The following OXCT1 variants were observed in gnomAD, a reference collection of about 807,000 sequenced individuals.
OXCT1 encodes succinyl-CoA:3-ketoacid coenzyme A transferase 1, mitochondrial.
Under a neutral mutation model 69.6 loss-of-function variants are expected in OXCT1, and 27 were observed. That is an observed-to-expected ratio of 0.39 (90% CI 0.29 to 0.54). OXCT1 has a LOEUF of 0.54. Ranked by LOEUF, OXCT1 falls within the 20% of genes least tolerant of loss-of-function variation. The pLI is 0.72. For missense variants in OXCT1, 437 were observed against 650.2 expected (o/e 0.67, Z 3.57); for synonymous variants, 202 against 217.8 (o/e 0.93, Z 0.64).
At chr5:41,774,730 C>T in intron 13 of OXCT1, among the ~76,000 whole-genome samples, 1 of 152,134 alleles carries the variant, frequency 6.6e-6, no homozygotes, top group East Asian at 1.9e-4. Flanking sequence ...CCCATCTCTA[C>T]TCAAAATACA....
chr5:41,837,953 A>G (rs1355811992), intron 7 of OXCT1, among the ~76,000 whole-genome samples: 1 of 152,244 alleles, frequency 6.6e-6, no homozygotes, highest in African/African-American at 2.4e-5. Context: ...CATAAGGAAT[A>G]CGGTAGTGAC....
chr5:41,739,264 C>T, intron 16 of OXCT1, 126 bp downstream of exon 16: 1 of 718,214 alleles, frequency 1.4e-6, no homozygotes, highest in Non-Finnish European at 2.5e-6. Flanking sequence ...CTTCCTTCTA[C>T]TCCTGTTCAC....
At position 41,834,008 on chromosome 5, in the gene OXCT1, CA is replaced by C. The variant is rs796202572; in HGVS notation, c.732+6442del. The stretch of plus-strand genomic sequence containing the variant: ...GGGCAACAAGAGCAAAATTCCGTCT[CA>C]AAAAAAAAAAAGCATAGAGTTTGTA... On this transcript the variant is annotated intron_variant, in intron 7 of 16. Coordinates refer to ENST00000196371, the MANE Select transcript of OXCT1 (RefSeq NM_000436.4). Among the ~76,000 whole-genome samples, 729 of 132,240 alleles carry C rather than the reference CA, an allele frequency of 5.5e-3. 3 individuals are homozygous for C. The highest frequency in any genetic ancestry group is 0.016 in the African/African-American group (578 of 36,236). The allele number at this position is 132,240 out of a possible 152,430, so 86.8% of individuals were successfully genotyped here.
chr5:41,843,202 C>T (rs1748729376), intron 5 of OXCT1, among the ~76,000 whole-genome samples: 1 of 152,182 alleles, frequency 6.6e-6, no homozygotes, highest in Non-Finnish European at 1.5e-5. Context: ...AAAAATCTAT[C>T]ATTCAGCTAT....
intron 7 of OXCT1, among the ~76,000 whole-genome samples, chr5:41,826,041 T>G (rs917393826): frequency 6.6e-6 from 1 of 152,152 alleles, no homozygotes; most frequent in African/African-American, 2.4e-5. Context: ...AGGTCATCAA[T>G]TTGAGGGTGT....
chr5:41,746,009 G>T (rs903228646), intron 15 of OXCT1, among the ~76,000 whole-genome samples: 1 of 151,876 alleles, frequency 6.6e-6, no homozygotes, highest in Non-Finnish European at 1.5e-5. Flanking sequence ...AAAACTACTC[G>T]AATCAATAGA....
chr5:41,736,304 C>A (rs139870049), intron 16 of OXCT1, among the ~76,000 whole-genome samples: 54 of 152,314 alleles, frequency 3.5e-4, no homozygotes, highest in African/African-American at 1.3e-3. Flanking sequence ...ACAGCCTCTA[C>A]CAAGTTCCAG....
chr5:41,741,359 C>T (rs1023056666), intron 15 of OXCT1, among the ~76,000 whole-genome samples: 16 of 152,154 alleles, frequency 1.1e-4, no homozygotes, highest in Non-Finnish European at 2.2e-4. Flanking sequence ...GAGAAAAGAA[C>T]CCTGGCCTTT....
intron 13 of OXCT1, among the ~76,000 whole-genome samples, chr5:41,771,801 A>G (rs1744883210): frequency 6.6e-6 from 1 of 152,250 alleles, no homozygotes; most frequent in South Asian, 2.1e-4. Context: ...TACATATTTA[A>G]AAATCCAGGG....
chr5:41,826,810 C>T (rs1178389250), intron 7 of OXCT1, among the ~76,000 whole-genome samples: 2 of 152,128 alleles, frequency 1.3e-5, no homozygotes, highest in African/African-American at 4.8e-5. Flanking sequence ...TCCATCTGCA[C>T]CTGCGTCACC....
chr5:41,807,502 A>G, intron 7 of OXCT1, 64 bp from the exon 8 acceptor site: 1 of 907,586 alleles, frequency 1.1e-6, no homozygotes, highest in East Asian at 2.4e-5. Flanking sequence ...TTAATTTTTT[A>G]AAAAGTATAC....
At chr5:41,840,575 C>T in intron 6 of OXCT1, 64 bp from the exon 7 acceptor site, 1 of 962,838 alleles carries the variant, frequency 1.0e-6, no homozygotes, top group Non-Finnish European at 1.7e-6. Flanking sequence ...TCTCTGTCAC[C>T]TTTAAGGTTT....
intron 16 of OXCT1, among the ~76,000 whole-genome samples, chr5:41,738,183 T>A (rs528785825): frequency 6.6e-6 from 1 of 152,370 alleles, no homozygotes; most frequent in South Asian, 2.1e-4. Context: ...GATGTGTAGC[T>A]GTAACATTAA....
At chr5:41,837,437 A>T (rs1748420948) in intron 7 of OXCT1, among the ~76,000 whole-genome samples, 1 of 152,126 alleles carries the variant, frequency 6.6e-6, no homozygotes, top group African/African-American at 2.4e-5. Flanking sequence ...TAAAAAGCTT[A>T]AAGGTCAAAG....
At chr5:41,857,696 G>C (rs1290276334) in intron 3 of OXCT1, among the ~76,000 whole-genome samples, 1 of 152,148 alleles carries the variant, frequency 6.6e-6, no homozygotes, top group East Asian at 1.9e-4. Context: ...CCTGGGGCTG[G>C]TAACAGCACC....
intron 13 of OXCT1, among the ~76,000 whole-genome samples, chr5:41,763,019 C>T (rs1486547476): frequency 1.3e-5 from 2 of 152,018 alleles, no homozygotes; most frequent in African/African-American, 4.8e-5. Flanking sequence ...GAACTGAAAC[C>T]TCCTTAAAAT....
chr5:41,796,488 T>C (rs1746185664), intron 11 of OXCT1, among the ~76,000 whole-genome samples: 2 of 152,210 alleles, frequency 1.3e-5, no homozygotes, highest in Non-Finnish European at 2.9e-5. Context: ...TATCCCTAGC[T>C]GTGCAACACA....
At chr5:41,753,350 C>G (rs548739684) in intron 14 of OXCT1, among the ~76,000 whole-genome samples, 1 of 151,748 alleles carries the variant, frequency 6.6e-6, no homozygotes, top group African/African-American at 2.4e-5. Flanking sequence ...CACGTGTGCA[C>G]GTATTTTTTC....
intron 14 of OXCT1, among the ~76,000 whole-genome samples, chr5:41,761,075 G>T (rs548803945): frequency 3.9e-5 from 6 of 152,162 alleles, no homozygotes; most frequent in African/African-American, 1.4e-4. Context: ...GAATGATAAA[G>T]AATAAAGGAG....
Sources: gnomAD v4.1 joint callset for allele counts (sites outside exome capture counted in the v4.1 genomes callset) on GRCh38, gnomAD v4.1.1 for gene constraint, MANE v1.5 for transcripts, NCBI Gene and HGNC (gene_info 2026-07-23, HGNC 2026-07-21) for gene names.